The following DAPK1 variants were observed in gnomAD, a reference collection of about 807,000 sequenced individuals.
DAPK1 encodes death associated protein kinase 1.
DAPK1 carries 56 observed loss-of-function variants against 144.9 expected under a neutral mutation model. The observed-to-expected ratio is 0.39, with a 90% CI of 0.31 to 0.48. The LOEUF (loss-of-function observed/expected upper bound fraction) is 0.48, where lower values mean the gene tolerates loss of function less well. Ranked by LOEUF, DAPK1 falls within the 20% of genes least tolerant of loss-of-function variation. The probability of loss-of-function intolerance (pLI) is 0.95; values close to 1 mark genes in which losing one functional copy is unlikely to be tolerated. For synonymous variants in DAPK1, 690 were observed against 749.0 expected (o/e 0.92, Z 1.29); for missense variants, 1,454 against 1,875.4 (o/e 0.78, Z 4.15).
chr9:87,633,031 G>A (rs1181423182), intron 3 of DAPK1: 1 of 980,774 alleles, frequency 1.0e-6, no homozygotes, highest in East Asian at 1.1e-4. Context: ...TATATATGTA[G>A]GGATGAAGGA....
intron 18 of DAPK1, chr9:87,668,040 G>A (rs919728779): frequency 6.5e-6 from 1 of 153,306 alleles, no homozygotes; most frequent in Non-Finnish European, 1.5e-5. Flanking sequence ...TAAAAAGCAA[G>A]CATAAAAGTG....
chr9:87,552,611 A>C (rs1826536714), intron 2 of DAPK1, among the ~76,000 whole-genome samples: 1 of 150,450 alleles, frequency 6.6e-6, no homozygotes, highest in Non-Finnish European at 1.5e-5. Context: ...TTTTTTTTGG[A>C]GACAAGGTCT....
intron 2 of DAPK1, among the ~76,000 whole-genome samples, chr9:87,600,130 G>C (rs1444122119): frequency 6.6e-6 from 1 of 152,148 alleles, no homozygotes; most frequent in Non-Finnish European, 1.5e-5. Context: ...GAGCACACTC[G>C]ATTATGGTGT....
chr9:87,515,292 T>A (rs903460229), intron 2 of DAPK1, among the ~76,000 whole-genome samples: 1 of 152,210 alleles, frequency 6.6e-6, no homozygotes, highest in African/African-American at 2.4e-5. Context: ...AGGGTGTGGC[T>A]GTGTTCTAAT....
intron 2 of DAPK1, chr9:87,525,232 G>C (rs1354480230): frequency 6.5e-6 from 7 of 1,072,838 alleles, no homozygotes; most frequent in Non-Finnish European, 8.6e-6. Context: ...CCTACCCAAT[G>C]CAGTGCTTAC....
chr9:87,700,474 TG>T (rs1219330149), intron 24 of DAPK1, among the ~76,000 whole-genome samples: 1 of 152,166 alleles, frequency 6.6e-6, no homozygotes, highest in Non-Finnish European at 1.5e-5. Context: ...ACCGATTTAT[TG>T]GTTTCTTTAA....
At chr9:87,699,891 G>C (rs1041152012) in intron 23 of DAPK1, among the ~76,000 whole-genome samples, 4 of 152,152 alleles carry the variant, frequency 2.6e-5, no homozygotes, top group African/African-American at 9.7e-5. Context: ...CAAACCTGAA[G>C]GTCCCGCTCC....
At chr9:87,619,366 A>C (rs1829212328) in intron 3 of DAPK1, among the ~76,000 whole-genome samples, 1 of 152,120 alleles carries the variant, frequency 6.6e-6, no homozygotes, top group African/African-American at 2.4e-5. Flanking sequence ...CTTGTAGGAG[A>C]GGATGTACAT....
intron 2 of DAPK1, among the ~76,000 whole-genome samples, chr9:87,537,862 A>G (rs925832837): frequency 5.3e-5 from 8 of 152,148 alleles, no homozygotes; most frequent in Non-Finnish European, 5.9e-5. Context: ...AGCTATAAAC[A>G]TCAGATAGCA....
chr9:87,651,069 T>C (rs1830427863), intron 16 of DAPK1, among the ~76,000 whole-genome samples: 1 of 152,230 alleles, frequency 6.6e-6, no homozygotes, highest in Non-Finnish European at 1.5e-5. Context: ...TTAAATCTGC[T>C]TCTCATTTAT....
intron 9 of DAPK1, among the ~76,000 whole-genome samples, chr9:87,641,766 T>C (rs1376229641): frequency 6.6e-6 from 1 of 152,188 alleles, no homozygotes; most frequent in Non-Finnish European, 1.5e-5. Flanking sequence ...CCAGTGTCCA[T>C]GGATGATACG....
intron 2 of DAPK1, among the ~76,000 whole-genome samples, chr9:87,585,858 A>T (rs1462269072): frequency 6.6e-6 from 1 of 152,232 alleles, no homozygotes; most frequent in Non-Finnish European, 1.5e-5. Context: ...CACTCAGAAA[A>T]GGGCAAAATC....
chr9:87,525,632 T>A (rs1825478842), intron 2 of DAPK1, among the ~76,000 whole-genome samples: 1 of 152,202 alleles, frequency 6.6e-6, no homozygotes, highest in Non-Finnish European at 1.5e-5. Flanking sequence ...CTGAGGCGGT[T>A]CTTTGGTCAG....
chr9:87,598,105 T>G (rs1019900061), intron 2 of DAPK1, among the ~76,000 whole-genome samples: 1 of 152,238 alleles, frequency 6.6e-6, no homozygotes, highest in Non-Finnish European at 1.5e-5. Context: ...AGAAACCGTT[T>G]CTGTTCCTCA....
intron 2 of DAPK1, among the ~76,000 whole-genome samples, chr9:87,562,771 C>T (rs367733154): frequency 6.6e-5 from 10 of 152,196 alleles, no homozygotes; most frequent in African/African-American, 2.4e-4. Context: ...AAGTGTAATT[C>T]ATCAAATAAT....
chr9:87,587,228 C>T (rs1827968247), intron 2 of DAPK1, among the ~76,000 whole-genome samples: 1 of 152,194 alleles, frequency 6.6e-6, no homozygotes. Flanking sequence ...AGGCAGCCAG[C>T]AGCATTTTAC....
chr9:87,633,001 T>TTAGGGATGAGAAGGATGAGTATATATG, intron 3 of DAPK1: 2 of 979,068 alleles, frequency 2.0e-6, no homozygotes, highest in Non-Finnish European at 2.4e-6. Flanking sequence ...TGAGTATACA[T>TTAGGGATGAGAAGGATGAGTATATATG]TAGGGATGAG....
At chr9:87,619,937 C>A (rs1313808634) in intron 3 of DAPK1, among the ~76,000 whole-genome samples, 1 of 152,202 alleles carries the variant, frequency 6.6e-6, no homozygotes, top group Non-Finnish European at 1.5e-5. Flanking sequence ...TCAGACAATC[C>A]TAAGTCTCCT....
intron 2 of DAPK1, among the ~76,000 whole-genome samples, chr9:87,510,088 TG>T (rs150604098): frequency 6.6e-6 from 1 of 152,332 alleles, no homozygotes; most frequent in East Asian, 1.9e-4. Flanking sequence ...TTCAATTGTT[TG>T]GGAGAGGAAG....
Sources: gnomAD v4.1 joint callset for allele counts (sites outside exome capture counted in the v4.1 genomes callset) on GRCh38, gnomAD v4.1.1 for gene constraint, MANE v1.5 for transcripts, NCBI Gene and HGNC (gene_info 2026-07-23, HGNC 2026-07-21) for gene names.